Variants in TOX observed in about 807,000 individuals in gnomAD.
TOX encodes thymocyte selection associated high mobility group box.
In TOX, 11 loss-of-function variants were observed where a neutral mutation model predicts 53.7. The ratio of observed to expected loss-of-function variants is 0.20; its 90% confidence interval spans 0.13 to 0.34. The LOEUF (loss-of-function observed/expected upper bound fraction) is 0.34. TOX is among the 10% of genes least tolerant of loss of function. TOX has a pLI of 1.00. For missense variants in TOX, 570 were observed against 664.6 expected, an observed-to-expected ratio of 0.86 and a Z score of 1.56; for synonymous variants, 225 against 245.3, an observed-to-expected ratio of 0.92 and a Z score of 0.77.
intron 3 of TOX, among the ~76,000 whole-genome samples, chr8:58,913,643 T>C (rs1030223147): frequency 3.9e-5 from 6 of 152,240 alleles, no homozygotes; most frequent in African/African-American, 1.4e-4. Flanking sequence ...TTAGTGTCTG[T>C]TTCATAAAAT....
intron 1 of TOX, among the ~76,000 whole-genome samples, chr8:59,115,308 C>A (rs1433435527): frequency 1.3e-5 from 2 of 152,140 alleles, no homozygotes; most frequent in Admixed American, 6.5e-5. Flanking sequence ...CACATCACAT[C>A]GTTGTAAAAA....
intron 1 of TOX, among the ~76,000 whole-genome samples, chr8:58,962,785 T>A (rs1336248105): frequency 6.6e-6 from 1 of 152,142 alleles, no homozygotes; most frequent in Non-Finnish European, 1.5e-5. Flanking sequence ...GTGAGAATTT[T>A]TTTAAGTGTC....
intron 1 of TOX, among the ~76,000 whole-genome samples, chr8:58,966,519 G>A (rs1023590895): frequency 6.6e-6 from 1 of 152,114 alleles, no homozygotes; most frequent in Non-Finnish European, 1.5e-5. Context: ...GTACAGTGCG[G>A]CTGCTTGGAA....
At chr8:59,023,018 T>C (rs376914293) in intron 1 of TOX, among the ~76,000 whole-genome samples, 3 of 152,182 alleles carry the variant, frequency 2.0e-5, no homozygotes, top group East Asian at 3.9e-4. Context: ...CTCTAACTCC[T>C]TTCATAAACA....
At chr8:58,906,155 A>C (rs192771289) in intron 3 of TOX, among the ~76,000 whole-genome samples, 2 of 152,352 alleles carry the variant, frequency 1.3e-5, no homozygotes, top group Admixed American at 1.3e-4. Context: ...GAGAAAAATG[A>C]ATTTCCTGTC....
chr8:58,845,386 AGT>A (rs1810705354), intron 4 of TOX, among the ~76,000 whole-genome samples: 1 of 152,142 alleles, frequency 6.6e-6, no homozygotes, highest in Non-Finnish European at 1.5e-5. Context: ...GTGATGTTTC[AGT>A]GAGTGAAAAT....
intron 1 of TOX, among the ~76,000 whole-genome samples, chr8:59,006,859 C>A (rs1211835532): frequency 6.6e-6 from 1 of 152,142 alleles, no homozygotes; most frequent in East Asian, 1.9e-4. Flanking sequence ...AAAAGTTAAG[C>A]CCATTTTGAT....
At chr8:59,115,345 T>A (rs557883905) in intron 1 of TOX, among the ~76,000 whole-genome samples, 2 of 152,198 alleles carry the variant, frequency 1.3e-5, no homozygotes, top group Non-Finnish European at 2.9e-5. Context: ...CTTTGTCCTA[T>A]CTTAGCATAA....
intron 3 of TOX, among the ~76,000 whole-genome samples, chr8:58,912,151 C>T (rs553378263): frequency 1.3e-4 from 20 of 152,222 alleles, no homozygotes; most frequent in Non-Finnish European, 2.4e-4. Context: ...ATTATCTCCA[C>T]AGGTCTCATC....
In TOX at chr8:58,825,337, A is replaced by G. The variant is rs1585845771; in HGVS notation, c.1005+1485T>C. Among the ~76,000 whole-genome samples the G allele has an allele frequency of 3.9e-5, 6 of 152,360 alleles. No individual in the cohort carries two copies. In the South Asian group the frequency reaches 1.2e-3, roughly 32 times the overall value. On this transcript the variant is annotated intron_variant, in intron 6 of 8. Coordinates refer to ENST00000361421, the MANE Select transcript of TOX (RefSeq NM_014729.3). ...AGAAAAATGTCAGAGTAAGCTGTAA[A>G]AAAAGTGCTTGGTTTTTTAAATGTA...
intron 1 of TOX, among the ~76,000 whole-genome samples, chr8:59,002,855 C>T (rs974482527): frequency 3.9e-5 from 6 of 152,172 alleles, no homozygotes; most frequent in African/African-American, 1.4e-4. Context: ...CAGTTCAAGT[C>T]AACTAGAGCC....
chr8:58,994,976 A>G (rs924123627), intron 1 of TOX, among the ~76,000 whole-genome samples: 1 of 152,234 alleles, frequency 6.6e-6, no homozygotes, highest in Non-Finnish European at 1.5e-5. Context: ...ATCATTGTGT[A>G]TATCACACTA....
In TOX at chr8:58,877,352, T is replaced by C. The variant is rs191526143; in HGVS notation, c.412-25547A>G. Among the ~76,000 whole-genome samples, 83 of 152,330 alleles carry C rather than the reference T, an allele frequency of 5.4e-4. 1 individual carries two copies. Among genetic ancestry groups the C allele is most frequent in the African/African-American group, 1.9e-3 (77 of 41,576 alleles). On this transcript the variant is annotated intron_variant, in intron 3 of 8. Transcript: ENST00000361421. ...AACAGTGACATGCACTTTACCATAA[T>C]AAACGCATCAGACAAGAAAATAAAA...
At chr8:58,840,398 C>A (rs910066392) in intron 4 of TOX, among the ~76,000 whole-genome samples, 1 of 152,122 alleles carries the variant, frequency 6.6e-6, no homozygotes, top group African/African-American at 2.4e-5. Flanking sequence ...GTCAGAGACT[C>A]AGCATGTCTG....
At chr8:58,997,686 C>T (rs113819190) in intron 1 of TOX, among the ~76,000 whole-genome samples, 25 of 152,272 alleles carry the variant, frequency 1.6e-4, no homozygotes, top group African/African-American at 5.1e-4. Context: ...GATAATGAAA[C>T]CAATATTCTC....
At chr8:59,016,187 CG>C (rs1301177925) in intron 1 of TOX, among the ~76,000 whole-genome samples, 1 of 151,776 alleles carries the variant, frequency 6.6e-6, no homozygotes, top group African/African-American at 2.4e-5. Flanking sequence ...TACTGGATGC[CG>C]GGGTATACAT....
chr8:58,945,693 C>T (rs1323600033), intron 2 of TOX, among the ~76,000 whole-genome samples: 1 of 152,156 alleles, frequency 6.6e-6, no homozygotes, highest in African/African-American at 2.4e-5. Flanking sequence ...ATGACAACAT[C>T]TGGAAATGGA....
At chr8:59,116,704 G>A (rs1312139810) in intron 1 of TOX, among the ~76,000 whole-genome samples, 1 of 152,170 alleles carries the variant, frequency 6.6e-6, no homozygotes, top group Non-Finnish European at 1.5e-5. Context: ...TTAGAAACAT[G>A]TCTTATGACT....
chr8:59,032,992 C>T (rs147467564), intron 1 of TOX, among the ~76,000 whole-genome samples: 28 of 150,800 alleles, frequency 1.9e-4, no homozygotes, highest in Non-Finnish European at 3.5e-4. Context: ...CAAGATTGTG[C>T]CATTGCACTC....
Sources: gnomAD v4.1 joint callset for allele counts (sites outside exome capture counted in the v4.1 genomes callset) on GRCh38, gnomAD v4.1.1 for gene constraint, MANE v1.5 for transcripts, NCBI Gene and HGNC (gene_info 2026-07-23, HGNC 2026-07-21) for gene names.